The following TAF2 variants were observed in gnomAD, a reference collection of about 807,000 sequenced individuals.
The protein encoded by TAF2 is transcription initiation factor TFIID subunit 2.
In TAF2, 61 loss-of-function variants were observed where a neutral mutation model predicts 138.5. The ratio of observed to expected loss-of-function variants is 0.44; its 90% confidence interval spans 0.36 to 0.54. The LOEUF is 0.54. Among genes scored for constraint, TAF2 ranks in the 20% least tolerant of loss-of-function variants. The pLI is 0.00. For synonymous variants in TAF2, 475 were observed against 469.9 expected (o/e 1.01, Z -0.14); for missense variants, 1,090 against 1,427.9 (o/e 0.76, Z 3.81).
chr8:119,794,562 A>G (rs1209349321), intron 9 of TAF2, among the ~76,000 whole-genome samples: 1 of 152,234 alleles, frequency 6.6e-6, no homozygotes, highest in Non-Finnish European at 1.5e-5. Context: ...CTAGCTGTAT[A>G]CTTTGACCAA....
At chr8:119,768,061 C>T (rs1020825718) in intron 18 of TAF2, among the ~76,000 whole-genome samples, 5 of 152,296 alleles carry the variant, frequency 3.3e-5, no homozygotes, top group African/African-American at 1.2e-4. Flanking sequence ...TGCCAGCCTC[C>T]CTTGCTCCAG....
intron 22 of TAF2, among the ~76,000 whole-genome samples, chr8:119,748,160 G>A (rs866674003): frequency 1.3e-5 from 2 of 151,474 alleles, no homozygotes; most frequent in Non-Finnish European, 2.9e-5. Flanking sequence ...GGGAGGGAAG[G>A]GGGAGGGAAG....
At chr8:119,766,507 T>C (rs969694643) in intron 18 of TAF2, among the ~76,000 whole-genome samples, 1 of 152,188 alleles carries the variant, frequency 6.6e-6, no homozygotes, top group Non-Finnish European at 1.5e-5. Flanking sequence ...TGCTTACCAG[T>C]GACGACTTAT....
intron 8 of TAF2, 115 bp downstream of exon 8, chr8:119,796,875 G>C: frequency 1.3e-6 from 1 of 749,062 alleles, no homozygotes; most frequent in Non-Finnish European, 2.3e-6. Flanking sequence ...ATATAGAACA[G>C]TGTCTCTTAA....
At position 119,762,453 on chromosome 8, in the gene TAF2, T is replaced by G. The variant is rs766623846; in HGVS notation, c.2520A>C (p.Glu840Asp). The G allele has an allele frequency of 6.2e-7, 1 of 1,614,008 alleles. No homozygotes were observed. The highest frequency in any genetic ancestry group is 8.5e-7 in the Non-Finnish European group (1 of 1,179,934). Reference sequence around the variant, plus strand: ...TATGCCTGTAACTCGGAAGAAGTTTTTCCATATTCAAAAATCTGGTGATTT... The same window carrying G: ...TATGCCTGTAACTCGGAAGAAGTTTGTCCATATTCAAAAATCTGGTGATTT... Reference protein sequence around the residue: ...LEEITRFLNMEKLLPSYRHTI... With the variant: ...LEEITRFLNMDKLLPSYRHTI... Residue 840 changes from glutamate (E) to aspartate (D), a missense_variant, in exon 19 of 26, where the codon GAA (glutamate) becomes GAC (aspartate). By Grantham distance (45) the Glu-to-Asp change is conservative. Around this residue, in one of 3 missense-constraint regions of TAF2, gnomAD observed 580 missense variants for 719.6 expected, o/e 0.81. Transcript: ENST00000378164.
At chr8:119,781,286 T>C in intron 16 of TAF2, 93 bp from the exon 17 acceptor site, 6 of 1,405,212 alleles carry the variant, frequency 4.3e-6, no homozygotes, top group Non-Finnish European at 5.9e-6. Context: ...ATACTACAAC[T>C]GGATTGGGTT....
intron 3 of TAF2, among the ~76,000 whole-genome samples, chr8:119,813,886 C>A (rs180966476): frequency 2.0e-5 from 3 of 152,086 alleles, no homozygotes; most frequent in African/African-American, 7.2e-5. Flanking sequence ...GAGACCAAGG[C>A]AGAAGGACCA....
rs1429459545 is a variant in TAF2, at chr8:119,826,789, C to T, written c.138+4888G>A. 3.3e-5 allele frequency among the ~76,000 whole-genome samples: 5 copies of T among 152,156 alleles called. 1 individual carries two copies. The highest frequency in any genetic ancestry group is 3.3e-4 in the Admixed American group (5 of 15,266). On this transcript the variant is annotated intron_variant, in intron 2 of 25. Transcript: ENST00000378164. ...TGTATTTTTAGTAGAGACGGGGTTT[C>T]ACCATGTTGGCCGGTCTGGTCTCAA...
chr8:119,743,076 AAATTT>A (rs1367035778), intron 24 of TAF2, among the ~76,000 whole-genome samples: 1 of 152,046 alleles, frequency 6.6e-6, no homozygotes, highest in Non-Finnish European at 1.5e-5. Flanking sequence ...CTTAAAAAAA[AAATTT>A]AAAAAAACCC....
chr8:119,808,563 C>G (rs147381481), intron 3 of TAF2, among the ~76,000 whole-genome samples: 30 of 152,292 alleles, frequency 2.0e-4, no homozygotes, highest in African/African-American at 7.0e-4. Context: ...TTCAGGGTTT[C>G]AACTGACTTT....
chr8:119,788,457 A>C lies in TAF2; in HGVS notation c.1684-10T>G. 1.9e-6 allele frequency: 3 copies of C among 1,603,462 alleles called. No homozygotes were observed. The East Asian group carries it at 6.7e-5, about 36-fold the overall frequency. On this transcript the variant is annotated splice_polypyrimidine_tract_variant and intron_variant, in intron 13 of 25. Transcript: ENST00000378164. ...TCACTTTAAGTGGTCCCTTTTAAAA[A>C]AAAAACGTACTGTTCAGAGATGTGA...
intron 25 of TAF2, among the ~76,000 whole-genome samples, chr8:119,735,407 T>C (rs944031156): frequency 2.0e-5 from 3 of 152,232 alleles, no homozygotes; most frequent in African/African-American, 7.2e-5. Context: ...TGAAGGTCAC[T>C]GATTTTGAGG....
chr8:119,745,152 T>G, intron 23 of TAF2: 1 of 374,554 alleles, frequency 2.7e-6, no homozygotes. Context: ...TGCTAGAAAT[T>G]ATCAGCAATG....
Position 119,831,660 on chromosome 8 carries a change from G to A in TAF2, c.138+17C>T, listed in dbSNP as rs536502743. 2.5e-6 allele frequency: 4 copies of A among 1,590,496 alleles called. No individual in the cohort carries two copies. The highest frequency in any genetic ancestry group is 2.6e-6 in the Non-Finnish European group (3 of 1,161,164). On this transcript the variant is annotated intron_variant, in intron 2 of 25. Coordinates refer to ENST00000378164, the MANE Select transcript of TAF2 (RefSeq NM_003184.4). Reference sequence around the variant, plus strand: ...AGTGGACTTGTTACTATTTATAATTGTTGAGAATAAACTTACCACAACAGA... The same window carrying A: ...AGTGGACTTGTTACTATTTATAATTATTGAGAATAAACTTACCACAACAGA...
intron 2 of TAF2, among the ~76,000 whole-genome samples, chr8:119,829,585 A>G (rs972484708): frequency 3.9e-5 from 6 of 152,044 alleles, no homozygotes; most frequent in Non-Finnish European, 7.4e-5. Flanking sequence ...ACATATATGT[A>G]TATCTGCCAT....
At position 119,778,112 on chromosome 8, in the gene TAF2, C is replaced by T. The variant is rs1190833935; in HGVS notation, c.2271G>A (p.Met757Ile). 6.2e-7 allele frequency: 1 copy of T among 1,601,720 alleles called. No individual in the cohort carries two copies. Among genetic ancestry groups the T allele is most frequent in the Non-Finnish European group, 8.5e-7 (1 of 1,170,890 alleles). ...YFLQKTMPVA[M>I]ALLRDVHNLC... ...GATTATGAACATCTCTTAATAAAGC[C>T]ATTGCAACTGGCATAGTCTACAAAA... The change falls in exon 18 of 26, where the codon ATG (methionine) becomes ATA (isoleucine). Residue 757 changes from methionine to isoleucine, a missense_variant. This residue lies in a region of TAF2 where 580 missense variants were observed against 719.6 expected (regional missense o/e 0.81). Transcript: ENST00000378164.
intron 23 of TAF2, among the ~76,000 whole-genome samples, chr8:119,746,093 T>G (rs945992087): frequency 7.2e-5 from 11 of 152,064 alleles, no homozygotes; most frequent in African/African-American, 2.7e-4. Context: ...AATATTCAGC[T>G]GGGTGTGGTG....
intron 13 of TAF2, 108 bp from the exon 14 acceptor site, chr8:119,788,555 T>TACAAAAAATTAGCCGGGCGAG: frequency 1.7e-6 from 1 of 582,014 alleles, no homozygotes; most frequent in Non-Finnish European, 2.7e-6. Context: ...TTACACAAAA[T>TACAAAAAATTAGCCGGGCGAG]GAGTATCTGG....
At chr8:119,758,427 T>C (rs1156295947) in intron 20 of TAF2, among the ~76,000 whole-genome samples, 1 of 152,194 alleles carries the variant, frequency 6.6e-6, no homozygotes, top group Non-Finnish European at 1.5e-5. Flanking sequence ...AAGCAAGTTG[T>C]AATTAAGAAC....
Sources: gnomAD v4.1 joint callset for allele counts (sites outside exome capture counted in the v4.1 genomes callset) on GRCh38, gnomAD v4.1.1 for gene constraint, gnomAD v4.1.1 regional missense constraint, MANE v1.5 for transcripts, NCBI Gene and HGNC (gene_info 2026-07-23, HGNC 2026-07-21) for gene names.